RIMS2: variants seen among roughly 807,000 people sequenced by gnomAD.
RIMS2 encodes the protein regulating synaptic membrane exocytosis protein 2.
RIMS2 carries 59 observed loss-of-function variants against 174.4 expected under a neutral mutation model. That is an observed-to-expected ratio of 0.34 (90% CI 0.27 to 0.42). RIMS2 has a LOEUF of 0.42. Among genes scored for constraint, RIMS2 ranks in the 10% least tolerant of loss-of-function variants. The pLI, the probability that RIMS2 is intolerant of heterozygous loss-of-function variation, is 1.00. For missense variants in RIMS2, 1,620 were observed against 1,666.3 expected (o/e 0.97, Z 0.48); for synonymous variants, 606 against 572.5 (o/e 1.06, Z -0.84).
intron 19 of RIMS2, among the ~76,000 whole-genome samples, chr8:104,112,423 T>C (rs912786371): frequency 6.6e-6 from 1 of 152,104 alleles, no homozygotes; most frequent in African/African-American, 2.4e-5. Context: ...ATTCCTATAC[T>C]ATATAGATAT....
chr8:103,636,615 T>C (rs1215277750), intron 1 of RIMS2, among the ~76,000 whole-genome samples: 3 of 152,154 alleles, frequency 2.0e-5, no homozygotes, highest in Non-Finnish European at 2.9e-5. Context: ...TCATTCTCTT[T>C]GGGTCAGGTT....
intron 2 of RIMS2, among the ~76,000 whole-genome samples, chr8:103,741,506 G>C (rs1272183291): frequency 6.6e-6 from 1 of 151,930 alleles, no homozygotes; most frequent in Non-Finnish European, 1.5e-5. Context: ...GCAAAGAATT[G>C]AAGACACCAG....
intron 3 of RIMS2, among the ~76,000 whole-genome samples, chr8:103,793,138 A>G (rs2098516390): frequency 6.6e-6 from 1 of 152,178 alleles, no homozygotes; most frequent in Non-Finnish European, 1.5e-5. Context: ...AAAAAAGAGA[A>G]TTTTAGACCA....
At chr8:104,016,299 G>A (rs906326896) in intron 19 of RIMS2, among the ~76,000 whole-genome samples, 13 of 151,884 alleles carry the variant, frequency 8.6e-5, no homozygotes, top group Admixed American at 3.3e-4. Context: ...AAATAATCTC[G>A]TCATTATATA....
intron 9 of RIMS2, among the ~76,000 whole-genome samples, chr8:103,921,457 G>T (rs1166420733): frequency 6.6e-6 from 1 of 152,048 alleles, no homozygotes; most frequent in Non-Finnish European, 1.5e-5. Flanking sequence ...ACAGAAAATG[G>T]TTCACTGTTA....
chr8:104,227,010 A>G, intron 19 of RIMS2, among the ~76,000 whole-genome samples: 1 of 152,114 alleles, frequency 6.6e-6, no homozygotes, highest in South Asian at 2.1e-4. Flanking sequence ...CTTTAATTTC[A>G]TGATAATTTT....
intron 2 of RIMS2, among the ~76,000 whole-genome samples, chr8:103,700,120 C>A (rs1037238658): frequency 1.3e-5 from 2 of 152,096 alleles, no homozygotes; most frequent in Non-Finnish European, 2.9e-5. Flanking sequence ...TCTGTTATCT[C>A]ACTGTTGATT....
intron 3 of RIMS2, among the ~76,000 whole-genome samples, 169 bp from the exon 7 acceptor site, chr8:103,885,129 C>G (rs751603406): frequency 6.6e-6 from 1 of 151,860 alleles, no homozygotes; most frequent in Non-Finnish European, 1.5e-5. Context: ...CTTATTTGAA[C>G]TGAATATAAT....
chr8:103,935,704 T>G (rs1203305148), intron 12 of RIMS2, among the ~76,000 whole-genome samples: 1 of 152,188 alleles, frequency 6.6e-6, no homozygotes, highest in Non-Finnish European at 1.5e-5. Flanking sequence ...TAAGCAAGAG[T>G]AATGATCTCC....
chr8:103,519,597 A>G (rs188666625), intron 1 of RIMS2, among the ~76,000 whole-genome samples: 28 of 152,138 alleles, frequency 1.8e-4, no homozygotes, highest in African/African-American at 6.5e-4. Context: ...AGTTCATTCT[A>G]TACTGGTTCT....
intron 1 of RIMS2, among the ~76,000 whole-genome samples, chr8:103,692,056 G>C (rs1335597526): frequency 6.6e-6 from 1 of 152,122 alleles, no homozygotes; most frequent in Admixed American, 6.5e-5. Context: ...TGGAGTCTCT[G>C]TCTCTCTCTT....
At chr8:103,619,939 T>C (rs2095597126) in intron 1 of RIMS2, among the ~76,000 whole-genome samples, 1 of 152,166 alleles carries the variant, frequency 6.6e-6, no homozygotes, top group Non-Finnish European at 1.5e-5. Flanking sequence ...ATTTTCTGTA[T>C]GATGCCAAAT....
At chr8:103,980,184 C>T (rs1322791567) in intron 16 of RIMS2, among the ~76,000 whole-genome samples, 4 of 152,156 alleles carry the variant, frequency 2.6e-5, no homozygotes, top group African/African-American at 9.7e-5. Flanking sequence ...CTTTCCTTCT[C>T]TTTAAGGGGA....
intron 19 of RIMS2, among the ~76,000 whole-genome samples, chr8:104,105,054 G>A (rs1246836284): frequency 6.6e-6 from 1 of 152,116 alleles, no homozygotes; most frequent in East Asian, 1.9e-4. Context: ...TTGGGCGGTT[G>A]GTTAGGTTTT....
At chr8:103,745,370 A>G (rs961797899) in intron 2 of RIMS2, among the ~76,000 whole-genome samples, 2 of 152,098 alleles carry the variant, frequency 1.3e-5, no homozygotes, top group East Asian at 1.9e-4. Context: ...TCATTCATCA[A>G]TCGAAAGACA....
chr8:103,851,644 T>TACAC lies in RIMS2; in HGVS notation c.699-33608_699-33605dup, dbSNP rs10529078. Among the ~76,000 whole-genome samples the TACAC allele has an allele frequency of 5.0e-3, 685 of 136,590 alleles. 8 individuals are homozygous for TACAC. The highest frequency in any genetic ancestry group is 0.022 in the Middle Eastern group (6 of 272). 89.6% of individuals were successfully genotyped at this position (136,590 alleles called of 152,430 possible). A position where few individuals can be genotyped will look rare whatever the true frequency, so the allele number is the denominator to read the frequency against. On this transcript the variant is annotated intron_variant, in intron 3 of 23. Coordinates refer to ENST00000504942, the Ensembl canonical transcript of RIMS2. ...TGCCTGTGTCTATAGGAATGCTATG[T>TACAC]ACACACACACACACACACACACACA... is the stretch of plus-strand genomic sequence containing the variant.
At chr8:103,831,072 G>C (rs962746919) in intron 3 of RIMS2, among the ~76,000 whole-genome samples, 2 of 152,174 alleles carry the variant, frequency 1.3e-5, no homozygotes, top group African/African-American at 4.8e-5. Context: ...GCCTCCCAAA[G>C]TACTGGGATT....
rs543939944 is a variant in RIMS2, at chr8:104,000,025, T to A, written c.3044+10604T>A. On this transcript the variant is annotated intron_variant, in intron 17 of 23. Transcript: ENST00000504942. ...AGGATTTAGTATGTATATTTACATG[T>A]ATATGTAATATTTATTTTATATGTA... Among the ~76,000 whole-genome samples, 113 of 151,952 alleles carry A rather than the reference T, an allele frequency of 7.4e-4. 1 individual carries two copies. The highest frequency in any genetic ancestry group is 3.4e-3 in the Middle Eastern group (1 of 294).
At chr8:103,700,828 A>T (rs2097158679) in intron 2 of RIMS2, among the ~76,000 whole-genome samples, 1 of 152,050 alleles carries the variant, frequency 6.6e-6, no homozygotes. Flanking sequence ...TGTAGAATAC[A>T]TATTTAAATT....
Sources: allele counts gnomAD v4.1 joint callset (sites outside exome capture counted in the v4.1 genomes callset), GRCh38; gene constraint gnomAD v4.1.1; transcripts MANE v1.5; gene names NCBI Gene and HGNC (gene_info 2026-07-23, HGNC 2026-07-21).